The following C11orf97 variants were observed in gnomAD, a reference collection of about 807,000 sequenced individuals.
The protein encoded by C11orf97 is uncharacterized protein C11orf97.
C11orf97 carries 15 observed loss-of-function variants against 16.2 expected under a neutral mutation model. That is an observed-to-expected ratio of 0.93 (90% CI 0.62 to 1.43). C11orf97 has a LOEUF of 1.43. Among genes scored for constraint, C11orf97 ranks in the 40% most tolerant of loss-of-function variants. The pLI is 0.00. For synonymous variants in C11orf97, 61 were observed against 65.7 expected (o/e 0.93, Z 0.34); for missense variants, 171 against 161.2 (o/e 1.06, Z -0.33).
intron 2 of C11orf97, among the ~76,000 whole-genome samples, chr11:94,520,891 T>C (rs941999229): frequency 6.6e-6 from 1 of 152,212 alleles, no homozygotes; most frequent in African/African-American, 2.4e-5. Flanking sequence ...CCTCCATGCT[T>C]AAAGTTGTCT....
intron 3 of C11orf97, among the ~76,000 whole-genome samples, chr11:94,531,526 CAAAAAAAA>C (rs35270400): frequency 3.3e-5 from 3 of 92,074 alleles, no homozygotes; most frequent in Non-Finnish European, 4.2e-5. Flanking sequence ...CAAAACAAGC[CAAAAAAAA>C]AAAAAAAAAA....
At chr11:94,528,661 C>T (rs551772419) in intron 3 of C11orf97, among the ~76,000 whole-genome samples, 1 of 152,296 alleles carries the variant, frequency 6.6e-6, no homozygotes, top group African/African-American at 2.4e-5. Context: ...ATGAGGCCAC[C>T]AGACTGGGCC....
intron 2 of C11orf97, among the ~76,000 whole-genome samples, chr11:94,525,473 A>G (rs775800633): frequency 1.3e-5 from 2 of 152,256 alleles, no homozygotes; most frequent in Non-Finnish European, 2.9e-5. Flanking sequence ...AATGTTGCCA[A>G]GCAAATGTGG....
intron 3 of C11orf97, 30 bp downstream of exon 3, chr11:94,528,239 G>A (rs1947714049): frequency 1.3e-6 from 2 of 1,522,018 alleles, no homozygotes; most frequent in East Asian, 4.9e-5. Flanking sequence ...GACTTCCACT[G>A]AAGCCCCTGA....
At chr11:94,519,332 T>A (rs532857505) in intron 2 of C11orf97, among the ~76,000 whole-genome samples, 2 of 152,346 alleles carry the variant, frequency 1.3e-5, no homozygotes, top group South Asian at 4.1e-4. Context: ...AGGAAAGTTT[T>A]AAAGTCTATT....
At chr11:94,514,007 G>A (rs1289474623) in intron 1 of C11orf97, among the ~76,000 whole-genome samples, 1 of 152,182 alleles carries the variant, frequency 6.6e-6, no homozygotes, top group Admixed American at 6.5e-5. Context: ...ACAGGGTATC[G>A]CCATGTTGGT....
intron 1 of C11orf97, among the ~76,000 whole-genome samples, chr11:94,515,797 C>T (rs867534245): frequency 6.6e-6 from 1 of 151,952 alleles, no homozygotes; most frequent in African/African-American, 2.4e-5. Context: ...GTACTAGCTC[C>T]TTAGTACTCT....
chr11:94,512,653 C>G lies in C11orf97; in HGVS notation c.125C>G (p.Pro42Arg). ...GCGCGCGGGGAACCCGGCCGCGGCC[C>G]CCTAGAGCACGGCCAGCAGTGTGAG... is the stretch of plus-strand genomic sequence containing the variant. ...CGARGEPGRG[P>R]LEHGQQWKKF... Residue 42 changes from proline to arginine, a missense_variant, in exon 1 of 4, where the codon CCC becomes CGC. Physicochemically the swap from Pro to Arg is moderately radical, Grantham distance 103. Coordinates refer to ENST00000542198, the MANE Select transcript of C11orf97 (RefSeq NM_001190462.2). The G allele has an allele frequency of 1.6e-6, 2 of 1,246,908 alleles. No individual in the cohort carries two copies. The allele number at this position is 1,246,908 out of a possible 1,614,324, so 77.2% of individuals were successfully genotyped here.
chr11:94,513,515 C>A (rs1224252691), intron 1 of C11orf97, among the ~76,000 whole-genome samples: 1 of 152,216 alleles, frequency 6.6e-6, no homozygotes, highest in Non-Finnish European at 1.5e-5. Flanking sequence ...CTCTGGAGAG[C>A]AGACTGGGTT....
At chr11:94,525,573 T>G (rs560785351) in intron 2 of C11orf97, among the ~76,000 whole-genome samples, 34 of 152,330 alleles carry the variant, frequency 2.2e-4, no homozygotes, top group African/African-American at 7.5e-4. Flanking sequence ...ATTATTTCAT[T>G]CAATTAAAAT....
intron 2 of C11orf97, among the ~76,000 whole-genome samples, chr11:94,524,158 A>AT (rs1290593143): frequency 1.3e-5 from 2 of 152,114 alleles, no homozygotes; most frequent in African/African-American, 2.4e-5. Context: ...CACGTGATAA[A>AT]TTTTTTGCAA....
In C11orf97 at chr11:94,517,623, G is replaced by C; in HGVS notation, c.186G>C (p.Lys62Asn). The C allele has an allele frequency of 6.5e-7, 1 of 1,532,276 alleles. No homozygotes were observed. Among genetic ancestry groups the C allele is most frequent in the South Asian group, 1.2e-5 (1 of 82,808 alleles). 94.9% of individuals were successfully genotyped at this position (1,532,276 alleles called of 1,614,324 possible). Residue 62 changes from lysine to asparagine, a missense_variant, in exon 2 of 4, where the codon AAG becomes AAC. Physicochemically the swap from Lys to Asn is moderately conservative, Grantham distance 94. Transcript: ENST00000542198. ...FLYCEPHKRI[K>N]EVLEEERHIK... ...ATTGTGAGCCACATAAGAGAATTAA[G>C]GAAGTACTGGAAGAAGAACGTCATA...
intron 2 of C11orf97, among the ~76,000 whole-genome samples, chr11:94,519,938 TC>T (rs2135180058): frequency 6.6e-6 from 1 of 152,288 alleles, no homozygotes; most frequent in African/African-American, 2.4e-5. Context: ...CAGTGACCCC[TC>T]CTTTATATAT....
chr11:94,523,537 A>C (rs1292804800), intron 2 of C11orf97, among the ~76,000 whole-genome samples: 1 of 152,206 alleles, frequency 6.6e-6, no homozygotes, highest in Non-Finnish European at 1.5e-5. Context: ...CCTGGAAGTA[A>C]ACAACTTAAA....
chr11:94,513,050 C>A (rs1444026402), intron 1 of C11orf97, among the ~76,000 whole-genome samples: 1 of 152,092 alleles, frequency 6.6e-6, no homozygotes, highest in African/African-American at 2.4e-5. Flanking sequence ...CTTAGAAACA[C>A]GCAGCTCATT....
chr11:94,518,730 C>T (rs1947633349), intron 2 of C11orf97, among the ~76,000 whole-genome samples: 1 of 152,168 alleles, frequency 6.6e-6, no homozygotes, highest in Admixed American at 6.5e-5. Flanking sequence ...TATTGTGACA[C>T]TCTTGGGTAT....
At chr11:94,530,132 G>T (rs1266158713) in intron 3 of C11orf97, among the ~76,000 whole-genome samples, 1 of 152,114 alleles carries the variant, frequency 6.6e-6, no homozygotes, top group Non-Finnish European at 1.5e-5. Flanking sequence ...GTTTCATTTT[G>T]ATCATAATTG....
intron 3 of C11orf97, 29 bp from the exon 4 acceptor site, chr11:94,531,867 T>A: frequency 1.4e-6 from 2 of 1,414,478 alleles, no homozygotes; most frequent in Non-Finnish European, 1.8e-6. Flanking sequence ...GTAAAACACT[T>A]ATTTTTTCAC....
intron 1 of C11orf97, among the ~76,000 whole-genome samples, chr11:94,517,187 C>T (rs2135178192): frequency 6.6e-6 from 1 of 152,308 alleles, no homozygotes; most frequent in African/African-American, 2.4e-5. Context: ...GGATTGCAAG[C>T]TCTATACACA....
Sources: gnomAD v4.1 joint callset for allele counts (sites outside exome capture counted in the v4.1 genomes callset) on GRCh38, gnomAD v4.1.1 for gene constraint, MANE v1.5 for transcripts, NCBI Gene and HGNC (gene_info 2026-07-23, HGNC 2026-07-21) for gene names.